Variants in RTL4 observed in about 807,000 individuals in gnomAD.
RTL4 encodes the protein retrotransposon Gag like 4, also known as retrotransposon Gag-like protein 4.
RTL4 carries 4 observed loss-of-function variants against 5.3 expected under a neutral mutation model. The observed-to-expected ratio is 0.75, with a 90% confidence interval of 0.37 to 1.72. The LOEUF is 1.72. Ranked by LOEUF, RTL4 falls within the 40% of genes most tolerant of loss-of-function variation. The pLI, the probability that RTL4 is intolerant of heterozygous loss-of-function variation, is 0.04. For missense variants in RTL4, 260 were observed against 227.1 expected (o/e 1.14, Z -0.93); for synonymous variants, 98 against 87.3 (o/e 1.12, Z -0.68).
At chrX:112,249,784 T>TAG in the RTL4 span, among the ~76,000 whole-genome samples, 6 of 93,210 alleles carry the variant, frequency 6.4e-5, no homozygotes, top group East Asian at 6.1e-4. Context: ...TAATTATATA[T>TAG]ATATATATAG....
the RTL4 span, among the ~76,000 whole-genome samples, chrX:112,182,846 C>T: frequency 9.0e-6 from 1 of 111,351 alleles, no homozygotes; most frequent in Non-Finnish European, 1.9e-5. Context: ...GAACAGCAAC[C>T]ACAAGGCACA....
At chrX:112,364,619 G>A in the RTL4 span, among the ~76,000 whole-genome samples, 189 of 111,217 alleles carry the variant, frequency 1.7e-3, no homozygotes, top group African/African-American at 5.8e-3. Flanking sequence ...AAAGCATGGA[G>A]CATTGCTGAG....
the RTL4 span, among the ~76,000 whole-genome samples, chrX:112,266,598 G>A: frequency 9.0e-6 from 1 of 111,348 alleles, no homozygotes; most frequent in African/African-American, 3.3e-5. Context: ...TACTGCTGGA[G>A]TCCCAGCCAA....
chrX:112,332,122 A>C, the RTL4 span, among the ~76,000 whole-genome samples: 1 of 108,550 alleles, frequency 9.2e-6, no homozygotes. Flanking sequence ...ACTAACCTGC[A>C]CATTGTGCAC....
chrX:112,324,393 G>A, the RTL4 span, among the ~76,000 whole-genome samples: 3 of 111,545 alleles, frequency 2.7e-5, no homozygotes, highest in African/African-American at 9.8e-5. Context: ...AGCTTTGGGG[G>A]TCAACTCCAA....
chrX:112,136,411 T>A, the RTL4 span, among the ~76,000 whole-genome samples: 1 of 111,948 alleles, frequency 8.9e-6, no homozygotes, highest in South Asian at 3.7e-4. Flanking sequence ...TTCCAGATCA[T>A]ACAGTAAAAG....
chrX:112,373,929 T>G, the RTL4 span, among the ~76,000 whole-genome samples: 1 of 110,898 alleles, frequency 9.0e-6, no homozygotes, highest in Non-Finnish European at 1.9e-5. Context: ...AACACAAAGT[T>G]TTTTAGATTC....
chrX:112,391,384 A>G, the RTL4 span, among the ~76,000 whole-genome samples: 1 of 111,245 alleles, frequency 9.0e-6, no homozygotes, highest in Non-Finnish European at 1.9e-5. Flanking sequence ...GACATACAAC[A>G]TTCTGGCCAT....
chrX:112,135,837 G>C, the RTL4 span, among the ~76,000 whole-genome samples: 1 of 107,370 alleles, frequency 9.3e-6, no homozygotes, highest in East Asian at 2.9e-4. Flanking sequence ...TTTGGCAAAT[G>C]TATTTATATA....
At chrX:112,331,319 C>G in the RTL4 span, among the ~76,000 whole-genome samples, 1 of 106,222 alleles carries the variant, frequency 9.4e-6, no homozygotes, top group Admixed American at 1.0e-4. Context: ...AAGAAAAAAA[C>G]AAACAACCCC....
the RTL4 span, among the ~76,000 whole-genome samples, chrX:112,441,973 A>G: frequency 1.8e-5 from 2 of 112,141 alleles, no homozygotes; most frequent in Non-Finnish European, 3.8e-5. Context: ...ATGCCACAAC[A>G]TGGATAAACC....
At chrX:112,246,736 A>G in the RTL4 span, among the ~76,000 whole-genome samples, 1 of 111,311 alleles carries the variant, frequency 9.0e-6, no homozygotes, top group South Asian at 3.8e-4. Flanking sequence ...CCAGTGTCCA[A>G]CCAGTCCCAA....
At chrX:112,199,920 A>G in the RTL4 span, among the ~76,000 whole-genome samples, 1 of 112,272 alleles carries the variant, frequency 8.9e-6, no homozygotes, top group Non-Finnish European at 1.9e-5. Flanking sequence ...ATAATAGTTA[A>G]ATTTTATTGA....
chrX:112,248,087 G>A, the RTL4 span, among the ~76,000 whole-genome samples: 70 of 112,410 alleles, frequency 6.2e-4, 2 homozygotes, highest in African/African-American at 2.2e-3. Flanking sequence ...ACTACAGTTG[G>A]CAGTGATTTA....
At chrX:112,164,895 A>G in the RTL4 span, among the ~76,000 whole-genome samples, 1 of 111,943 alleles carries the variant, frequency 8.9e-6, no homozygotes, top group African/African-American at 3.2e-5. Flanking sequence ...GACCTCCTGG[A>G]AAGAGCAAGG....
At chrX:112,181,468 A>C in the RTL4 span, among the ~76,000 whole-genome samples, 1 of 111,490 alleles carries the variant, frequency 9.0e-6, no homozygotes, top group Non-Finnish European at 1.9e-5. Context: ...GTCTGAAGTC[A>C]ACCTGGGATG....
the RTL4 span, among the ~76,000 whole-genome samples, chrX:112,244,538 A>G: frequency 9.1e-6 from 1 of 110,240 alleles, no homozygotes; most frequent in African/African-American, 3.3e-5. Context: ...TTTGCTTTCC[A>G]TTTGCTTAGT....
chrX:112,326,295 C>T, the RTL4 span, among the ~76,000 whole-genome samples: 50 of 111,487 alleles, frequency 4.5e-4, no homozygotes, highest in African/African-American at 6.9e-4. Context: ...AGTGGATGTG[C>T]GCACCGTGCA....
chrX:112,274,618 CAT>C, the RTL4 span, among the ~76,000 whole-genome samples: 1 of 111,378 alleles, frequency 9.0e-6, no homozygotes, highest in Admixed American at 9.6e-5. Context: ...GTAAAAGACT[CAT>C]AGTTCACATC....
Sources: allele counts gnomAD v4.1 joint callset (sites outside exome capture counted in the v4.1 genomes callset), GRCh38; gene constraint gnomAD v4.1.1; transcripts MANE v1.5; gene names NCBI Gene and HGNC (gene_info 2026-07-23, HGNC 2026-07-21).